Variants in B4GALNT3 observed in about 807,000 individuals in gnomAD.
B4GALNT3 encodes beta-1,4-N-acetyl-galactosaminyltransferase 3.
Under a neutral mutation model 120.2 loss-of-function variants are expected in B4GALNT3, and 86 were observed. That is an observed-to-expected ratio of 0.72 (90% CI 0.60 to 0.86). The LOEUF is 0.86. B4GALNT3 is among the 40% of genes least tolerant of loss of function. The probability of loss-of-function intolerance (pLI) is 0.00; values close to 1 mark genes in which losing one functional copy is unlikely to be tolerated. For synonymous variants in B4GALNT3, 518 were observed against 510.4 expected (o/e 1.01, Z -0.20); for missense variants, 1,167 against 1,298.9 (o/e 0.90, Z 1.56).
intron 1 of B4GALNT3, among the ~76,000 whole-genome samples, chr12:474,972 A>C (rs914318749): frequency 7.5e-6 from 1 of 133,536 alleles, no homozygotes; most frequent in Admixed American, 8.0e-5. Context: ...AAAAAAGCCA[A>C]GTGTGGTGGT....
intron 1 of B4GALNT3, among the ~76,000 whole-genome samples, chr12:509,844 T>C (rs1431262086): frequency 1.3e-5 from 2 of 152,160 alleles, no homozygotes; most frequent in Non-Finnish European, 2.9e-5. Flanking sequence ...GGCAGAGAAG[T>C]GTGCTGTGGG....
In B4GALNT3 at chr12:552,047, A is replaced by G; in HGVS notation, c.1108-16A>G. On this transcript the variant is annotated splice_polypyrimidine_tract_variant and intron_variant, in intron 11 of 19. Coordinates refer to ENST00000266383, the MANE Select transcript of B4GALNT3 (RefSeq NM_173593.4). Reference sequence around the variant, plus strand: ...TCTCACTCTCTTACTCCTGCTGCTGATTTTTCCACTTCCAGGTTCATCTGT... The same window carrying G: ...TCTCACTCTCTTACTCCTGCTGCTGGTTTTTCCACTTCCAGGTTCATCTGT... 1.3e-6 allele frequency: 2 copies of G among 1,563,930 alleles called. No individual in the cohort carries two copies. The highest frequency in any genetic ancestry group is 1.8e-6 in the Non-Finnish European group (2 of 1,134,830).
intron 1 of B4GALNT3, among the ~76,000 whole-genome samples, chr12:461,886 A>G: frequency 6.6e-6 from 1 of 152,216 alleles, no homozygotes; most frequent in Admixed American, 6.5e-5. Flanking sequence ...GAAAAACGAC[A>G]GCTTCTCAGG....
At chr12:486,319 C>T (rs1237686199) in intron 1 of B4GALNT3, among the ~76,000 whole-genome samples, 1 of 150,324 alleles carries the variant, frequency 6.7e-6, no homozygotes, top group Non-Finnish European at 1.5e-5. Flanking sequence ...AAGTGATTCT[C>T]CCACCTCAGC....
intron 1 of B4GALNT3, among the ~76,000 whole-genome samples, chr12:511,508 C>T (rs1448096035): frequency 8.9e-4 from 113 of 127,412 alleles, no homozygotes; most frequent in African/African-American, 3.4e-3. Flanking sequence ...TTCCACCTTC[C>T]ACCTTCTTCC....
chr12:550,017 A>T lies in B4GALNT3; in HGVS notation c.997+105A>T, dbSNP rs887796441. 4 of 1,287,528 alleles carry T rather than the reference A, an allele frequency of 3.1e-6. No homozygotes were observed. Among genetic ancestry groups the T allele is most frequent in the Middle Eastern group, 2.7e-4 (1 of 3,690 alleles). The allele number at this position is 1,287,528 out of a possible 1,614,324, so 79.8% of individuals were successfully genotyped here. A position where few individuals can be genotyped will look rare whatever the true frequency, so the allele number is the denominator to read the frequency against. On this transcript the variant is annotated intron_variant, in intron 10 of 19. Transcript: ENST00000266383. The surrounding 1 kb of genome is among the most constrained non-coding windows in gnomAD (Gnocchi z 4.1). ...GAGAGACCTGCCAAGTATCCCAATC[A>T]CCGTAGAACTTTTTATCGTCCTTGT...
intron 3 of B4GALNT3, among the ~76,000 whole-genome samples, chr12:538,577 A>G (rs1032103933): frequency 5.3e-5 from 8 of 152,060 alleles, no homozygotes; most frequent in Middle Eastern, 6.8e-3. Context: ...AAAAAAAAAA[A>G]AAAAGAAATA....
chr12:549,160 C>A (rs1324821866), intron 9 of B4GALNT3, among the ~76,000 whole-genome samples: 1 of 152,148 alleles, frequency 6.6e-6, no homozygotes, highest in South Asian at 2.1e-4. Flanking sequence ...TAGACAGATG[C>A]ATGAACCCGG....
chr12:471,093 A>G (rs527934585), intron 1 of B4GALNT3, among the ~76,000 whole-genome samples: 5 of 151,012 alleles, frequency 3.3e-5, no homozygotes, highest in Admixed American at 6.6e-5. Context: ...TTGGGTTTTT[A>G]AACACTACAT....
At position 504,546 on chromosome 12, in the gene B4GALNT3, G is replaced by A. The variant is rs11063313; in HGVS notation, c.170-30620G>A. The stretch of plus-strand genomic sequence containing the variant: ...GTGATCTCAGCTCACTGCAACCTCC[G>A]CCTCCCGGGCCCAAGCCATCCTTCC... On this transcript the variant is annotated intron_variant, in intron 1 of 19. Transcript: ENST00000266383. 4.6e-4 allele frequency among the ~76,000 whole-genome samples: 67 copies of A among 144,824 alleles called. No homozygotes were observed. The East Asian group carries it at 0.014, about 29-fold the overall frequency.
intron 1 of B4GALNT3, among the ~76,000 whole-genome samples, chr12:472,658 C>T (rs10849054): frequency 0.034 from 5,168 of 152,228 alleles, 115 homozygotes; most frequent in South Asian, 0.078. Context: ...AGGATGGTCT[C>T]GATCTCCTGA....
rs188386044 is a variant in B4GALNT3, at chr12:552,725, C to T, written c.1270+197C>T. 4.1e-3 allele frequency: 2,493 copies of T among 607,198 alleles called. 6 individuals are homozygous for T. Among genetic ancestry groups the T allele is most frequent in the Non-Finnish European group, 5.8e-3 (1,985 of 341,618 alleles). The allele number at this position is 607,198 out of a possible 1,614,324, so 37.6% of individuals were successfully genotyped here. On this transcript the variant is annotated intron_variant, in intron 13 of 19. Transcript: ENST00000266383. ...ATATCCAGGCACATGTGGAAAATGA[C>T]ACTATTTTTAGCAGCATGCTGGGGT... is the stretch of plus-strand genomic sequence containing the variant.
intron 1 of B4GALNT3, among the ~76,000 whole-genome samples, chr12:507,265 CTT>C (rs923983367): frequency 1.3e-5 from 2 of 152,110 alleles, no homozygotes; most frequent in African/African-American, 4.8e-5. Flanking sequence ...ATATGGCAAC[CTT>C]TTTTCACATA....
chr12:512,471 CCCA>C (rs1946595017), intron 1 of B4GALNT3, among the ~76,000 whole-genome samples: 1 of 130,988 alleles, frequency 7.6e-6, no homozygotes, highest in African/African-American at 2.9e-5. Context: ...CCACCTTCCG[CCCA>C]CCTTCCACCT....
chr12:476,807 C>T (rs1020863807), intron 1 of B4GALNT3, among the ~76,000 whole-genome samples: 1 of 152,176 alleles, frequency 6.6e-6, no homozygotes, highest in Non-Finnish European at 1.5e-5. Context: ...GGGTGGACCC[C>T]AGGGGTGCAG....
chr12:541,964 G>A (rs967256476), intron 3 of B4GALNT3, among the ~76,000 whole-genome samples: 2 of 151,816 alleles, frequency 1.3e-5, no homozygotes, highest in East Asian at 1.9e-4. Context: ...TAGGGAGGGG[G>A]CAGAAAGAAG....
intron 1 of B4GALNT3, among the ~76,000 whole-genome samples, chr12:493,465 G>A (rs945699925): frequency 6.6e-6 from 1 of 152,212 alleles, no homozygotes; most frequent in Non-Finnish European, 1.5e-5. Context: ...TTCATTGCTG[G>A]TGGGAATGCA....
At chr12:498,439 G>A (rs551517296) in intron 1 of B4GALNT3, among the ~76,000 whole-genome samples, 115 of 152,178 alleles carry the variant, frequency 7.6e-4, no homozygotes, top group African/African-American at 2.6e-3. Flanking sequence ...TCTGGACCAC[G>A]GTTAATTTAA....
In B4GALNT3 at chr12:498,217, G is replaced by A. The variant is rs11063284; in HGVS notation, c.170-36949G>A. Among the ~76,000 whole-genome samples, 1,113 of 152,182 alleles carry A rather than the reference G, an allele frequency of 7.3e-3. 14 individuals are homozygous for A. Among genetic ancestry groups the A allele is most frequent in the Middle Eastern group, 0.01 (3 of 294 alleles). ...TCCATTCGATGCTGTTTCTGATTGC[G>A]TATCATGAAGCCAGCCTTGTCACTG... On this transcript the variant is annotated intron_variant, in intron 1 of 19. Coordinates refer to ENST00000266383, the MANE Select transcript of B4GALNT3 (RefSeq NM_173593.4).
Sources: allele counts gnomAD v4.1 joint callset (sites outside exome capture counted in the v4.1 genomes callset), GRCh38; gene constraint gnomAD v4.1.1; non-coding constraint Gnocchi (gnomAD v3.1); transcripts MANE v1.5; gene names NCBI Gene and HGNC (gene_info 2026-07-23, HGNC 2026-07-21).